The following MALRD1 variants were observed in gnomAD, a reference collection of about 807,000 sequenced individuals.
MALRD1 encodes the protein MAM and LDL receptor class A domain containing 1.
A neutral mutation model predicts 242.1 loss-of-function variants in MALRD1; 247 were observed. That is an observed-to-expected ratio of 1.02 (90% CI 0.92 to 1.13). The LOEUF is 1.13. Among genes scored for constraint, MALRD1 ranks in the 50% most tolerant of loss-of-function variants. The probability of loss-of-function intolerance (pLI) is 0.00; values close to 1 mark genes in which losing one functional copy is unlikely to be tolerated. For missense variants in MALRD1, 2,989 were observed against 2,533.1 expected (o/e 1.18, Z -3.86); for synonymous variants, 995 against 866.6 (o/e 1.15, Z -2.60).
At chr10:19,143,378 C>G (rs1264562817) in intron 10 of MALRD1, among the ~76,000 whole-genome samples, 1 of 152,162 alleles carries the variant, frequency 6.6e-6, no homozygotes, top group Non-Finnish European at 1.5e-5. Context: ...ATTGCCATTT[C>G]ACACCATTGC....
At chr10:19,394,757 A>G (rs1424983334) in intron 28 of MALRD1, among the ~76,000 whole-genome samples, 1 of 152,184 alleles carries the variant, frequency 6.6e-6, no homozygotes, top group Non-Finnish European at 1.5e-5. Flanking sequence ...CATCATGTCG[A>G]CCTTCTAAAA....
intron 11 of MALRD1, among the ~76,000 whole-genome samples, chr10:19,150,580 A>G (rs1488494278): frequency 6.6e-6 from 1 of 151,870 alleles, no homozygotes; most frequent in Non-Finnish European, 1.5e-5. Flanking sequence ...GCACCTGGAA[A>G]CTCTGTCTAG....
chr10:19,279,103 G>A (rs1564524525), intron 19 of MALRD1, among the ~76,000 whole-genome samples: 1 of 152,154 alleles, frequency 6.6e-6, no homozygotes, highest in African/African-American at 2.4e-5. Context: ...GCACAGAGGA[G>A]GAGAGGTCTC....
At chr10:19,729,647 C>T (rs1032264803) in intron 38 of MALRD1, among the ~76,000 whole-genome samples, 2 of 144,570 alleles carry the variant, frequency 1.4e-5, no homozygotes, top group African/African-American at 2.6e-5. Context: ...TTTGTTCCTA[C>T]GATGGACATT....
chr10:19,683,886 C>A (rs1188672306), intron 36 of MALRD1, among the ~76,000 whole-genome samples: 1 of 151,968 alleles, frequency 6.6e-6, no homozygotes, highest in African/African-American at 2.4e-5. Context: ...GGTTTCAAGC[C>A]CAGCATGCAT....
At chr10:19,535,641 A>G (rs917184878) in intron 32 of MALRD1, among the ~76,000 whole-genome samples, 1 of 151,824 alleles carries the variant, frequency 6.6e-6, no homozygotes, top group Non-Finnish European at 1.5e-5. Flanking sequence ...GGTTAAAATA[A>G]TTATTTGTAC....
intron 36 of MALRD1, among the ~76,000 whole-genome samples, chr10:19,640,140 A>T (rs1840318001): frequency 6.6e-6 from 1 of 152,018 alleles, no homozygotes; most frequent in Non-Finnish European, 1.5e-5. Context: ...CCCAGGCTGG[A>T]GTGCAGTGGC....
intron 13 of MALRD1, among the ~76,000 whole-genome samples, chr10:19,170,010 C>T (rs1834854430): frequency 2.0e-5 from 3 of 152,128 alleles, no homozygotes; most frequent in Admixed American, 6.6e-5. Context: ...CTTTTGATGT[C>T]AATTGTAGAC....
Position 19,688,739 on chromosome 10 carries a change from C to T in MALRD1, c.6138-3543C>T, listed in dbSNP as rs183393304. ...AAGAATGGGTGGAACTTCAACACAC[C>T]GTTCTAGCATGTGATTAACGCTGTT... On this transcript the variant is annotated intron_variant, in intron 36 of 39. Coordinates refer to ENST00000454679, the MANE Select transcript of MALRD1 (RefSeq NM_001142308.3). Among the ~76,000 whole-genome samples, 421 of 152,274 alleles carry T rather than the reference C, an allele frequency of 2.8e-3. 2 individuals are homozygous for T. The highest frequency in any genetic ancestry group is 4.5e-3 in the Non-Finnish European group (309 of 68,034).
chr10:19,593,650 C>G (rs916297934), intron 33 of MALRD1, among the ~76,000 whole-genome samples: 1 of 152,168 alleles, frequency 6.6e-6, no homozygotes, highest in African/African-American at 2.4e-5. Flanking sequence ...CCAATTAGTT[C>G]CGTTCTATAT....
chr10:19,727,910 G>A (rs1835109546), intron 38 of MALRD1, among the ~76,000 whole-genome samples: 1 of 151,974 alleles, frequency 6.6e-6, no homozygotes, highest in Non-Finnish European at 1.5e-5. Context: ...GTGTTTGAAT[G>A]TCAAATTGAC....
intron 35 of MALRD1, among the ~76,000 whole-genome samples, chr10:19,614,812 G>A (rs1194333625): frequency 2.6e-5 from 4 of 152,060 alleles, no homozygotes; most frequent in African/African-American, 9.7e-5. Flanking sequence ...GACATTGATC[G>A]TGGATGCAGA....
chr10:19,215,094 T>C (rs1344841191), intron 18 of MALRD1, among the ~76,000 whole-genome samples: 1 of 152,182 alleles, frequency 6.6e-6, no homozygotes, highest in Non-Finnish European at 1.5e-5. Flanking sequence ...CTTCCACCTT[T>C]TGGTAGCCAT....
intron 36 of MALRD1, among the ~76,000 whole-genome samples, chr10:19,627,924 G>T (rs1276085971): frequency 6.6e-6 from 1 of 151,114 alleles, no homozygotes; most frequent in Admixed American, 6.6e-5. Context: ...TACAGAAAAA[G>T]GAAAATAAAT....
At chr10:19,209,962 A>C (rs1272704297) in intron 18 of MALRD1, among the ~76,000 whole-genome samples, 65 of 152,330 alleles carry the variant, frequency 4.3e-4, no homozygotes, top group African/African-American at 1.5e-3. Context: ...TGAAATGAAC[A>C]ACCTGGAAGT....
At chr10:19,659,505 C>A (rs749188163) in intron 36 of MALRD1, among the ~76,000 whole-genome samples, 15 of 152,062 alleles carry the variant, frequency 9.9e-5, no homozygotes, top group Non-Finnish European at 1.9e-4. Context: ...ATATAGATAA[C>A]CTTAAATTTT....
At chr10:19,441,358 G>A (rs1217120029) in intron 28 of MALRD1, among the ~76,000 whole-genome samples, 1 of 152,108 alleles carries the variant, frequency 6.6e-6, no homozygotes, top group Admixed American at 6.6e-5. Flanking sequence ...GATCCCATTT[G>A]TCAATTTTGG....
At chr10:19,204,241 G>C in intron 15 of MALRD1, 67 bp from the exon 16 acceptor site, 1 of 1,016,528 alleles carries the variant, frequency 9.8e-7, no homozygotes, top group Non-Finnish European at 1.4e-6. Context: ...AGGGTTAAGA[G>C]ACAGATGTCT....
chr10:19,236,499 C>T (rs7093441), intron 18 of MALRD1, among the ~76,000 whole-genome samples: 13,811 of 152,186 alleles, frequency 0.091, 881 homozygotes, highest in African/African-American at 0.18. Flanking sequence ...TCCAATACAG[C>T]ATTAGGCAAC....
Sources: gnomAD v4.1 joint callset for allele counts (sites outside exome capture counted in the v4.1 genomes callset) on GRCh38, gnomAD v4.1.1 for gene constraint, MANE v1.5 for transcripts, NCBI Gene and HGNC (gene_info 2026-07-23, HGNC 2026-07-21) for gene names.